RBFOX1: variants seen among roughly 807,000 people sequenced by gnomAD.
The protein encoded by RBFOX1 is RNA binding fox-1 homolog 1.
Under a neutral mutation model 57.7 loss-of-function variants are expected in RBFOX1, and 8 were observed. The ratio of observed to expected loss-of-function variants is 0.14; its 90% confidence interval spans 0.08 to 0.25. RBFOX1 has a LOEUF of 0.25. RBFOX1 is among the 10% of genes least tolerant of loss of function. The probability of loss-of-function intolerance (pLI) is 1.00; values close to 1 mark genes in which losing one functional copy is unlikely to be tolerated. For synonymous variants in RBFOX1, 326 were observed against 222.4 expected (o/e 1.47, Z -4.15); for missense variants, 611 against 548.5 (o/e 1.11, Z -1.14).
At chr16:7,156,667 T>A (rs2077215634) in intron 4 of RBFOX1, among the ~76,000 whole-genome samples, 2 of 152,184 alleles carry the variant, frequency 1.3e-5, no homozygotes, top group Admixed American at 1.3e-4. Flanking sequence ...TAATTTTTAA[T>A]AGTTTTAGTA....
chr16:6,682,402 G>C (rs550536747), intron 3 of RBFOX1, among the ~76,000 whole-genome samples: 1 of 150,738 alleles, frequency 6.6e-6, no homozygotes, highest in Admixed American at 6.6e-5. Context: ...TGGGGAAATT[G>C]TGAAGACTAA....
At chr16:6,690,616 G>A (rs918710089) in intron 3 of RBFOX1, among the ~76,000 whole-genome samples, 5 of 152,152 alleles carry the variant, frequency 3.3e-5, no homozygotes, top group Non-Finnish European at 5.9e-5. Context: ...ACCAAGCAGG[G>A]ATTGGTTGAT....
At chr16:6,870,254 G>C (rs560978172) in intron 3 of RBFOX1, among the ~76,000 whole-genome samples, 7 of 152,060 alleles carry the variant, frequency 4.6e-5, no homozygotes, top group Non-Finnish European at 1.0e-4. Context: ...GGGCAATGGA[G>C]AGAGCATTCC....
chr16:5,603,894 T>C (rs534678010), downstream of RBFOX1, among the ~76,000 whole-genome samples: 11 of 152,328 alleles, frequency 7.2e-5, no homozygotes, highest in African/African-American at 2.4e-4. Context: ...AACCGCACTA[T>C]TATTTTTTCT....
intron 2 of RBFOX1, among the ~76,000 whole-genome samples, chr16:6,644,651 A>G (rs1465632372): frequency 6.6e-6 from 1 of 152,320 alleles, no homozygotes; most frequent in East Asian, 1.9e-4. Flanking sequence ...AAGTCTAAGC[A>G]TCCTGGTCTT....
intron 2 of RBFOX1, among the ~76,000 whole-genome samples, chr16:6,501,206 T>G (rs190555945): frequency 1.3e-5 from 2 of 150,186 alleles, no homozygotes; most frequent in African/African-American, 4.9e-5. Flanking sequence ...TTGTTACATA[T>G]GTATACATGT....
intron 2 of RBFOX1, among the ~76,000 whole-genome samples, chr16:5,579,242 C>CA (rs1271409271): frequency 1.3e-5 from 2 of 152,118 alleles, no homozygotes; most frequent in Non-Finnish European, 2.9e-5. Context: ...GTAAATAGTG[C>CA]AGGTAGCCAG....
At chr16:7,289,898 A>G (rs753842330) in intron 4 of RBFOX1, among the ~76,000 whole-genome samples, 1 of 152,214 alleles carries the variant, frequency 6.6e-6, no homozygotes, top group Non-Finnish European at 1.5e-5. Flanking sequence ...ATTCAGAACC[A>G]GGAGGTCTGC....
chr16:6,105,000 A>C (rs2096361428), intron 1 of RBFOX1, among the ~76,000 whole-genome samples: 1 of 152,200 alleles, frequency 6.6e-6, no homozygotes, highest in African/African-American at 2.4e-5. Flanking sequence ...ATTCTCTTTA[A>C]CATAAGAATG....
chr16:5,647,327 A>G (rs998636095), intron 3 of RBFOX1, among the ~76,000 whole-genome samples: 8 of 152,212 alleles, frequency 5.3e-5, no homozygotes, highest in African/African-American at 1.7e-4. Context: ...TGGACATTCT[A>G]CTGCCTCAGA....
At chr16:5,803,857 C>G (rs756925731) in intron 3 of RBFOX1, among the ~76,000 whole-genome samples, 1 of 152,152 alleles carries the variant, frequency 6.6e-6, no homozygotes, top group African/African-American at 2.4e-5. Flanking sequence ...TCTTCTGCCT[C>G]CTGTCTGATA....
intron 2 of RBFOX1, among the ~76,000 whole-genome samples, chr16:6,458,580 A>T (rs1009753822): frequency 6.6e-6 from 1 of 152,254 alleles, no homozygotes; most frequent in Non-Finnish European, 1.5e-5. Context: ...TTGGTGTTTC[A>T]GAGCAAGAGA....
At chr16:6,714,191 C>T (rs2064304912) in intron 3 of RBFOX1, among the ~76,000 whole-genome samples, 1 of 152,220 alleles carries the variant, frequency 6.6e-6, no homozygotes, top group Non-Finnish European at 1.5e-5. Flanking sequence ...CCTGCCTCAA[C>T]TTCTGCCAAG....
At chr16:5,840,700 G>T (rs1274581174) in intron 3 of RBFOX1, among the ~76,000 whole-genome samples, 4 of 152,194 alleles carry the variant, frequency 2.6e-5, no homozygotes, top group Non-Finnish European at 5.9e-5. Context: ...GCTTGGAGAT[G>T]TGTGTAGGTG....
At chr16:6,713,278 G>GTT (rs1263119904) in intron 3 of RBFOX1, among the ~76,000 whole-genome samples, 2 of 151,664 alleles carry the variant, frequency 1.3e-5, no homozygotes, top group African/African-American at 4.8e-5. Context: ...TTGTTTGTTT[G>GTT]TGTAATAATA....
intron 3 of RBFOX1, among the ~76,000 whole-genome samples, chr16:5,779,274 A>G (rs946848377): frequency 9.9e-5 from 15 of 152,126 alleles, no homozygotes; most frequent in African/African-American, 3.6e-4. Context: ...AGCTGAATTT[A>G]TCTTGAATTT....
intron 4 of RBFOX1, among the ~76,000 whole-genome samples, chr16:7,198,411 A>T (rs2087365385): frequency 6.6e-6 from 1 of 152,226 alleles, no homozygotes. Context: ...TCATTTGTAC[A>T]CTTAAAAATA....
chr16:6,495,163 T>G (rs1195975130), intron 2 of RBFOX1, among the ~76,000 whole-genome samples: 1 of 152,140 alleles, frequency 6.6e-6, no homozygotes, highest in African/African-American at 2.4e-5. Context: ...CTTTCACCCA[T>G]GCGGGAGTGA....
intron 1 of RBFOX1, among the ~76,000 whole-genome samples, chr16:6,023,474 C>G (rs1011986880): frequency 6.6e-6 from 1 of 152,188 alleles, no homozygotes; most frequent in Non-Finnish European, 1.5e-5. Flanking sequence ...GTATAGGAAT[C>G]TGACATTTCA....
Sources: allele counts gnomAD v4.1 joint callset (sites outside exome capture counted in the v4.1 genomes callset), GRCh38; gene constraint gnomAD v4.1.1; transcripts MANE v1.5; gene names NCBI Gene and HGNC (gene_info 2026-07-23, HGNC 2026-07-21).